Variants in SMCO2 observed in about 807,000 individuals in gnomAD.
SMCO2 encodes the protein single-pass membrane protein with coiled-coil domains 2.
Under a neutral mutation model 29.5 loss-of-function variants are expected in SMCO2, and 25 were observed. The ratio of observed to expected loss-of-function variants is 0.85; its 90% CI spans 0.62 to 1.18. The LOEUF (loss-of-function observed/expected upper bound fraction) is 1.18, where lower values mean the gene tolerates loss of function less well. Among genes scored for constraint, SMCO2 ranks in the 50% most tolerant of loss-of-function variants. The pLI, the probability that SMCO2 is intolerant of heterozygous loss-of-function variation, is 0.00. For synonymous variants in SMCO2, 117 were observed against 123.3 expected (o/e 0.95, Z 0.34); for missense variants, 348 against 344.5 (o/e 1.01, Z -0.08).
At chr12:27,431,710 G>A in the SMCO2 span, among the ~76,000 whole-genome samples, 12 of 152,200 alleles carry the variant, frequency 7.9e-5, no homozygotes, top group South Asian at 2.3e-3. Context: ...CCAGGAGCAT[G>A]GGTGTGCAAA....
At chr12:27,490,514 A>C (rs414213) in intron 5 of SMCO2, among the ~76,000 whole-genome samples, 3 of 152,110 alleles carry the variant, frequency 2.0e-5, no homozygotes, top group African/African-American at 7.3e-5. Flanking sequence ...CTGTATGTAA[A>C]TTATATCTCA....
chr12:27,437,283 C>A, the SMCO2 span, among the ~76,000 whole-genome samples: 21,360 of 151,812 alleles, frequency 0.14, 1,904 homozygotes, highest in Middle Eastern at 0.29. Context: ...AAAACAAAAA[C>A]AAAACATAGT....
intron 4 of SMCO2, among the ~76,000 whole-genome samples, chr12:27,481,841 T>C (rs398824): frequency 0.12 from 18,406 of 152,116 alleles, 2,158 homozygotes; most frequent in African/African-American, 0.28. Flanking sequence ...TATTGATGTC[T>C]CCTCACTTAT....
upstream of SMCO2, among the ~76,000 whole-genome samples, chr12:27,464,716 CAAAAAAAAA>C (rs767874837): frequency 8.7e-5 from 4 of 46,134 alleles, no homozygotes; most frequent in African/African-American, 3.6e-4. Context: ...GACCCTGTCT[CAAAAAAAAA>C]AAAAAAAAAA....
chr12:27,436,576 T>C, the SMCO2 span, among the ~76,000 whole-genome samples: 1 of 152,082 alleles, frequency 6.6e-6, no homozygotes, highest in African/African-American at 2.4e-5. Context: ...AAGGAAAGAC[T>C]GAGGGAGGTC....
chr12:27,465,048 A>AAAAG (rs1479903826), upstream of SMCO2, among the ~76,000 whole-genome samples: 302 of 147,148 alleles, frequency 2.1e-3, 1 homozygote, highest in East Asian at 5.3e-3. Context: ...AAAAAAAAAA[A>AAAAG]AAAGAAAGAA....
upstream of SMCO2, among the ~76,000 whole-genome samples, chr12:27,465,001 C>T (rs192313977): frequency 1.7e-3 from 240 of 142,022 alleles, 1 homozygote; most frequent in African/African-American, 6.0e-3. Context: ...TGCACTCCAG[C>T]CTGAGCAACA....
At chr12:27,430,520 C>A in the SMCO2 span, among the ~76,000 whole-genome samples, 2 of 152,026 alleles carry the variant, frequency 1.3e-5, no homozygotes, top group South Asian at 4.2e-4. Flanking sequence ...GTGTTAGAAC[C>A]AAACTTTCAG....
intron 3 of SMCO2, 38 bp from the exon 4 acceptor site, chr12:27,474,748 C>A: frequency 6.5e-7 from 1 of 1,550,138 alleles, no homozygotes; most frequent in Non-Finnish European, 8.7e-7. Context: ...TTGTACTAAC[C>A]TTTTGTTCTG....
intron 7 of SMCO2, chr12:27,498,291 G>C (rs542712930): frequency 8.7e-6 from 2 of 229,644 alleles, no homozygotes; most frequent in Non-Finnish European, 1.8e-5. Flanking sequence ...AAAGCTGCTT[G>C]ACAGACCAAG....
chr12:27,435,493 C>T, the SMCO2 span, among the ~76,000 whole-genome samples: 1 of 151,358 alleles, frequency 6.6e-6, no homozygotes, highest in East Asian at 1.9e-4. Flanking sequence ...ATTGATGCCA[C>T]CACTCATCTG....
chr12:27,482,326 G>A (rs764850181), intron 4 of SMCO2, among the ~76,000 whole-genome samples: 1 of 151,882 alleles, frequency 6.6e-6, no homozygotes, highest in Non-Finnish European at 1.5e-5. Flanking sequence ...ATGGAGTCTC[G>A]CTTCATCTCC....
intron 7 of SMCO2, chr12:27,498,345 T>G (rs1943036276): frequency 4.4e-6 from 1 of 225,164 alleles, no homozygotes; most frequent in Admixed American, 4.3e-5. Flanking sequence ...GGCCATGGCA[T>G]TTTATGGCTC....
intron 3 of SMCO2, among the ~76,000 whole-genome samples, chr12:27,474,494 TA>T (rs1263576337): frequency 2.0e-5 from 3 of 152,170 alleles, no homozygotes; most frequent in Non-Finnish European, 4.4e-5. Flanking sequence ...AACAGTCATC[TA>T]ATTTGAGTGG....
chr12:27,439,089 C>T, the SMCO2 span, among the ~76,000 whole-genome samples: 1 of 152,186 alleles, frequency 6.6e-6, no homozygotes, highest in African/African-American at 2.4e-5. Context: ...CCTTAACCCA[C>T]AAGTAGCATT....
chr12:27,454,185 T>C, the SMCO2 span, among the ~76,000 whole-genome samples: 2 of 152,152 alleles, frequency 1.3e-5, no homozygotes, highest in Non-Finnish European at 2.9e-5. Flanking sequence ...GGCCACACTA[T>C]ATTGCCCAGG....
the SMCO2 span, among the ~76,000 whole-genome samples, chr12:27,444,767 G>A: frequency 6.6e-6 from 1 of 152,130 alleles, no homozygotes; most frequent in African/African-American, 2.4e-5. Context: ...CCACTATGAA[G>A]AATAGTATGG....
Position 27,495,661 on chromosome 12 carries a change from G to A in SMCO2, c.508-19G>A. 1 of 1,450,856 alleles carries A rather than the reference G, an allele frequency of 6.9e-7. No individual in the cohort carries two copies. Among genetic ancestry groups the A allele is most frequent in the Non-Finnish European group, 9.2e-7 (1 of 1,082,466 alleles). 89.9% of individuals were successfully genotyped at this position (1,450,856 alleles called of 1,614,324 possible). A position where few individuals can be genotyped will look rare whatever the true frequency, so the allele number is the denominator to read the frequency against. On this transcript the variant is annotated intron_variant, in intron 6 of 7. Transcript: ENST00000298876. ...CATTTAGAATTTTTTTAAGGTACTTGATTACTCTTTTTTTTCAGGACCTTT... is the reference window on the plus strand; with the variant it reads ...CATTTAGAATTTTTTTAAGGTACTTAATTACTCTTTTTTTTCAGGACCTTT...
chr12:27,489,142 G>A (rs562826052), intron 5 of SMCO2, among the ~76,000 whole-genome samples: 57 of 152,106 alleles, frequency 3.7e-4, no homozygotes, highest in African/African-American at 1.3e-3. Flanking sequence ...TCCGCCTCCC[G>A]GGTTCAAGCA....
Sources: allele counts gnomAD v4.1 joint callset (sites outside exome capture counted in the v4.1 genomes callset), GRCh38; gene constraint gnomAD v4.1.1; transcripts MANE v1.5; gene names NCBI Gene and HGNC (gene_info 2026-07-23, HGNC 2026-07-21).